DCUN1D4: variants seen among roughly 807,000 people sequenced by gnomAD.
The protein encoded by DCUN1D4 is DCN1-like protein 4.
Under a neutral mutation model 47.9 loss-of-function variants are expected in DCUN1D4, and 22 were observed. The observed-to-expected ratio is 0.46, with a 90% CI of 0.33 to 0.66. The LOEUF is 0.66. Among genes scored for constraint, DCUN1D4 ranks in the 30% least tolerant of loss-of-function variants. The pLI is 0.02. For missense variants in DCUN1D4, 301 were observed against 340.8 expected (o/e 0.88, Z 0.92); for synonymous variants, 121 against 112.2 (o/e 1.08, Z -0.50).
chr4:51,886,723 T>A, intron 6 of DCUN1D4, 85 bp downstream of exon 6: 1 of 1,126,154 alleles, frequency 8.9e-7, no homozygotes, highest in Non-Finnish European at 1.3e-6. Context: ...AATAAATAAT[T>A]AAAAAGTAGT....
At chr4:51,854,485 T>C (rs1246580356) in intron 1 of DCUN1D4, among the ~76,000 whole-genome samples, 1 of 152,226 alleles carries the variant, frequency 6.6e-6, no homozygotes, top group Non-Finnish European at 1.5e-5. Flanking sequence ...TCCAGGATAC[T>C]AAGCAAAACT....
At chr4:51,851,992 T>C (rs1274535120) in intron 1 of DCUN1D4, among the ~76,000 whole-genome samples, 2 of 152,232 alleles carry the variant, frequency 1.3e-5, no homozygotes, top group Non-Finnish European at 2.9e-5. Flanking sequence ...GAACCCTGAT[T>C]GGAACACTGC....
chr4:51,912,900 G>T (rs935539403), intron 9 of DCUN1D4, among the ~76,000 whole-genome samples: 1 of 152,182 alleles, frequency 6.6e-6, no homozygotes, highest in African/African-American at 2.4e-5. Context: ...CACTTACTTT[G>T]TGCCAAACAC....
rs1484132701 is a variant in DCUN1D4 at position 51,843,208 on chromosome 4, G to A, written c.-35G>A. On this transcript the variant is annotated 5_prime_UTR_variant, in exon 1 of 11. Coordinates refer to ENST00000334635, the MANE Select transcript of DCUN1D4 (RefSeq NM_001040402.3). ...GGGGGACCGCGAGGCGAGCGCGGGA[G>A]CCTGGGCGGCGAGCCGGGTGTGAGC... 3.2e-6 allele frequency: 5 copies of A among 1,539,424 alleles called. No individual in the cohort carries two copies. Among genetic ancestry groups the A allele is most frequent in the Admixed American group, 4.0e-5 (2 of 50,114 alleles).
At chr4:51,835,766 G>A in the DCUN1D4 span, among the ~76,000 whole-genome samples, 2 of 152,234 alleles carry the variant, frequency 1.3e-5, no homozygotes, top group African/African-American at 4.8e-5. Flanking sequence ...CTGTGGGTGG[G>A]GGTACCTGTG....
intron 5 of DCUN1D4, among the ~76,000 whole-genome samples, chr4:51,886,038 A>G (rs560996486): frequency 3.3e-5 from 5 of 152,348 alleles, no homozygotes; most frequent in African/African-American, 1.2e-4. Context: ...GGGGAGATAA[A>G]TTAGAGATGG....
Position 51,874,311 on chromosome 4 carries a change from A to C in DCUN1D4, c.177A>C (p.Lys59Asn). Residue 59 changes from lysine (K) to asparagine (N), a missense_variant, in exon 4 of 11, where the codon AAA becomes AAC. Transcript: ENST00000334635. ...RSCSSSDCFN[K>N]VMPPRKKRRP... is the part of the protein sequence containing the mutation. ...GCAGTTCTTCAGACTGCTTTAATAAAGTGATGCCACCAAGGAAAAAGAGAA... is the reference window on the plus strand; with the variant it reads ...GCAGTTCTTCAGACTGCTTTAATAACGTGATGCCACCAAGGAAAAAGAGAA... The C allele has an allele frequency of 6.2e-7, 1 of 1,613,666 alleles. No homozygotes were observed. Among genetic ancestry groups the C allele is most frequent in the Middle Eastern group, 1.7e-4 (1 of 6,058 alleles).
At chr4:51,904,570 T>G (rs138447346) in intron 8 of DCUN1D4, among the ~76,000 whole-genome samples, 489 of 152,336 alleles carry the variant, frequency 3.2e-3, no homozygotes, top group Middle Eastern at 6.8e-3. Flanking sequence ...TCCCCCTCCT[T>G]TGCTATGGCC....
rs951262709 is a variant in DCUN1D4 at position 51,874,085 on chromosome 4, C to T, written c.137-186C>T. Among the ~76,000 whole-genome samples, 12 of 152,246 alleles carry T rather than the reference C, an allele frequency of 7.9e-5. 1 individual carries two copies. The South Asian group carries it at 8.3e-4, about 11-fold the overall frequency. ...GGAAGTATTAACTTATTTGTGTCGT[C>T]GCTAGGTTTATTTCTTGACCATAAC... is the stretch of plus-strand genomic sequence containing the variant. On this transcript the variant is annotated intron_variant, in intron 3 of 10. Transcript: ENST00000334635.
chr4:51,844,602 G>C (rs1020003120), intron 1 of DCUN1D4, among the ~76,000 whole-genome samples: 3 of 151,948 alleles, frequency 2.0e-5, no homozygotes, highest in African/African-American at 4.8e-5. Context: ...TATCAGGTGT[G>C]GGGGTTGGTG....
Position 51,874,280 on chromosome 4 carries a change from G to A in DCUN1D4, c.146G>A (p.Arg49Gln), listed in dbSNP as rs142966675. 8 of 1,609,940 alleles carry A rather than the reference G, an allele frequency of 5.0e-6. No homozygotes were observed. Among genetic ancestry groups the A allele is most frequent in the African/African-American group, 2.7e-5 (2 of 74,606 alleles). ...GQDDHQTGSL[R>Q]SCSSSDCFNK... is the part of the protein sequence containing the mutation. ...TGAATTTGTTTTGTAGGAAGTCTGC[G>A]GTCTTGCAGTTCTTCAGACTGCTTT... Residue 49 changes from arginine to glutamine, a missense_variant, in exon 4 of 11, where the codon CGG becomes CAG. Coordinates refer to ENST00000334635, the MANE Select transcript of DCUN1D4 (RefSeq NM_001040402.3).
intron 1 of DCUN1D4, 84 bp downstream of exon 1, chr4:51,843,351 C>T: frequency 3.5e-6 from 5 of 1,431,748 alleles, no homozygotes; most frequent in Non-Finnish European, 3.7e-6. Context: ...CCGCCCCACG[C>T]CTCGGGTCCC....
intron 1 of DCUN1D4, among the ~76,000 whole-genome samples, chr4:51,847,274 A>G (rs1722700097): frequency 6.6e-6 from 1 of 152,268 alleles, no homozygotes; most frequent in African/African-American, 2.4e-5. Flanking sequence ...CTTGCTAAAT[A>G]TAGATAAAAC....
At chr4:51,842,993 A>C, upstream of DCUN1D4, 2 of 1,230,898 alleles carry the variant, frequency 1.6e-6, no homozygotes, top group Non-Finnish European at 1.1e-6. Flanking sequence ...GACCAATCGT[A>C]TTGGCCAGTG....
At chr4:51,860,065 A>G (rs562274071) in intron 1 of DCUN1D4, among the ~76,000 whole-genome samples, 5 of 152,260 alleles carry the variant, frequency 3.3e-5, no homozygotes, top group African/African-American at 1.2e-4. Flanking sequence ...TGAACTGTAA[A>G]TCCAATGTGT....
intron 5 of DCUN1D4, among the ~76,000 whole-genome samples, chr4:51,882,674 G>A (rs547092480): frequency 6.6e-6 from 1 of 152,246 alleles, no homozygotes; most frequent in South Asian, 2.1e-4. Flanking sequence ...AGCTGAGGCA[G>A]GAGGATGTCA....
chr4:51,888,832 C>T (rs564651515), intron 6 of DCUN1D4, among the ~76,000 whole-genome samples: 24 of 151,990 alleles, frequency 1.6e-4, no homozygotes, highest in African/African-American at 4.3e-4. Context: ...GTAGGCCAGG[C>T]GTGGTGGCTC....
chr4:51,862,836 C>T (rs771457617), intron 1 of DCUN1D4, among the ~76,000 whole-genome samples: 8 of 151,726 alleles, frequency 5.3e-5, no homozygotes, highest in Non-Finnish European at 1.2e-4. Flanking sequence ...TAGAAAGACC[C>T]TGTCTCTACA....
intron 7 of DCUN1D4, among the ~76,000 whole-genome samples, chr4:51,896,660 A>G (rs1477909239): frequency 6.6e-6 from 1 of 151,736 alleles, no homozygotes; most frequent in Non-Finnish European, 1.5e-5. Flanking sequence ...TGCCTCCCAA[A>G]CTTACTCCTG....
Sources: gnomAD v4.1 joint callset for allele counts (sites outside exome capture counted in the v4.1 genomes callset) on GRCh38, gnomAD v4.1.1 for gene constraint, MANE v1.5 for transcripts, NCBI Gene and HGNC (gene_info 2026-07-23, HGNC 2026-07-21) for gene names.